ADAM10: variants seen among roughly 807,000 people sequenced by gnomAD.
ADAM10 encodes the protein ADAM metallopeptidase domain 10.
In ADAM10, 17 loss-of-function variants were observed where a neutral mutation model predicts 90.1. The observed-to-expected ratio is 0.19, with a 90% CI of 0.13 to 0.28. The LOEUF (loss-of-function observed/expected upper bound fraction) is 0.28. ADAM10 is among the 10% of genes least tolerant of loss of function. The probability of loss-of-function intolerance (pLI) is 1.00; values close to 1 mark genes in which losing one functional copy is unlikely to be tolerated. For missense variants in ADAM10, 610 were observed against 914.3 expected (o/e 0.67, Z 4.29); for synonymous variants, 310 against 298.6 (o/e 1.04, Z -0.40).
intron 1 of ADAM10, among the ~76,000 whole-genome samples, chr15:58,743,237 T>C (rs1445296932): frequency 3.9e-5 from 6 of 152,174 alleles, no homozygotes; most frequent in Admixed American, 3.9e-4. Flanking sequence ...ACTATGTGTT[T>C]TTCTGTCTGC....
intron 5 of ADAM10, among the ~76,000 whole-genome samples, chr15:58,659,041 G>A (rs1262338080): frequency 7.2e-5 from 11 of 152,108 alleles, no homozygotes; most frequent in African/African-American, 1.4e-4. Flanking sequence ...TTGGGAAGCC[G>A]AAGCAGGCAG....
At chr15:58,696,797 T>A (rs190209464) in intron 2 of ADAM10, among the ~76,000 whole-genome samples, 67 of 152,210 alleles carry the variant, frequency 4.4e-4, no homozygotes, top group African/African-American at 1.6e-3. Flanking sequence ...AATCATCTCA[T>A]ACTGACAAAG....
chr15:58,657,745 C>G (rs1896862580), intron 5 of ADAM10, among the ~76,000 whole-genome samples: 1 of 152,126 alleles, frequency 6.6e-6, no homozygotes, highest in Non-Finnish European at 1.5e-5. Context: ...CCTGGATGGT[C>G]TGGACGCTTG....
chr15:58,604,132 C>T (rs535120351), intron 14 of ADAM10, among the ~76,000 whole-genome samples: 9 of 151,970 alleles, frequency 5.9e-5, no homozygotes, highest in South Asian at 4.1e-4. Flanking sequence ...GAAGCCGGGG[C>T]GGGTGGATCA....
intron 9 of ADAM10, among the ~76,000 whole-genome samples, chr15:58,628,102 T>A (rs1175700763): frequency 6.6e-6 from 1 of 152,226 alleles, no homozygotes; most frequent in Non-Finnish European, 1.5e-5. Context: ...GGTCTAGCCA[T>A]AACAATTTAT....
At chr15:58,690,107 T>C (rs1375118761) in intron 2 of ADAM10, among the ~76,000 whole-genome samples, 2 of 152,150 alleles carry the variant, frequency 1.3e-5, no homozygotes, top group African/African-American at 2.4e-5. Context: ...AAATCATCAA[T>C]GTAATTCACC....
At chr15:58,626,158 A>C (rs1182885562) in intron 10 of ADAM10, among the ~76,000 whole-genome samples, 2 of 152,148 alleles carry the variant, frequency 1.3e-5, no homozygotes, top group African/African-American at 2.4e-5. Context: ...ACAAAAAAAA[A>C]AACTAGGGAA....
chr15:58,615,758 A>G (rs1422257566), intron 11 of ADAM10, among the ~76,000 whole-genome samples: 2 of 152,170 alleles, frequency 1.3e-5, no homozygotes, highest in Non-Finnish European at 2.9e-5. Flanking sequence ...TTGTAATGCC[A>G]GCACTTTGGG....
In ADAM10 at chr15:58,616,972, G is replaced by C. The variant is rs1380786967; in HGVS notation, c.1511+4499C>G. Among the ~76,000 whole-genome samples the C allele has an allele frequency of 2.0e-5, 3 of 152,096 alleles. No individual in the cohort carries two copies. The East Asian group carries it at 5.8e-4, about 29-fold the overall frequency. On this transcript the variant is annotated intron_variant, in intron 11 of 15. Transcript: ENST00000260408. ...AAACACAAAAAAATTAGCCAGGCGT[G>C]GTGGCAGGTACCTGTAGTCCCAGCT...
At chr15:58,669,456 G>C (rs1368222230) in intron 4 of ADAM10, among the ~76,000 whole-genome samples, 1 of 152,140 alleles carries the variant, frequency 6.6e-6, no homozygotes, top group African/African-American at 2.4e-5. Context: ...AAAATTCTAG[G>C]AGATTACACC....
intron 9 of ADAM10, among the ~76,000 whole-genome samples, chr15:58,632,991 G>A (rs1896144459): frequency 6.6e-6 from 1 of 152,122 alleles, no homozygotes; most frequent in Admixed American, 6.5e-5. Flanking sequence ...CAGAATTCTA[G>A]CACTGTTATG....
chr15:58,661,208 A>G lies in ADAM10; in HGVS notation c.585+3889T>C, dbSNP rs1301884245. Among the ~76,000 whole-genome samples, 3 of 152,196 alleles carry G rather than the reference A, an allele frequency of 2.0e-5. No individual in the cohort carries two copies. In the East Asian group the frequency reaches 5.8e-4, roughly 29 times the overall value. On this transcript the variant is annotated intron_variant, in intron 5 of 15. Transcript: ENST00000260408. ...AATCTCTTGAAGGTTTTTTTAAATG[A>G]GAAAAAACTGCTTAATATTTATCTA...
At chr15:58,655,746 T>C (rs1201089475) in intron 5 of ADAM10, among the ~76,000 whole-genome samples, 5 of 81,526 alleles carry the variant, frequency 6.1e-5, no homozygotes, top group African/African-American at 3.0e-4. Flanking sequence ...TATATTCTTT[T>C]TTTTTTTTTT....
chr15:58,598,749 C>T (rs1895026800), intron 15 of ADAM10, among the ~76,000 whole-genome samples: 1 of 152,218 alleles, frequency 6.6e-6, no homozygotes, highest in South Asian at 2.1e-4. Flanking sequence ...GGGAACTAAA[C>T]AATACGAAGG....
chr15:58,717,536 A>G, intron 2 of ADAM10, 41 bp downstream of exon 2: 2 of 1,612,140 alleles, frequency 1.2e-6, no homozygotes, highest in South Asian at 1.1e-5. Flanking sequence ...TAGATTGAAT[A>G]TAGAGGAACT....
At chr15:58,744,704 C>T (rs1481284602) in intron 1 of ADAM10, among the ~76,000 whole-genome samples, 1 of 152,096 alleles carries the variant, frequency 6.6e-6, no homozygotes, top group South Asian at 2.1e-4. Context: ...TTTAGAAAAA[C>T]TTCCATCAAA....
chr15:58,652,000 T>C (rs1232439578), intron 5 of ADAM10, among the ~76,000 whole-genome samples: 2 of 152,222 alleles, frequency 1.3e-5, no homozygotes, highest in African/African-American at 4.8e-5. Context: ...CAAGGATCAA[T>C]GATGTTGAGC....
chr15:58,715,445 C>G (rs905399456), intron 2 of ADAM10, among the ~76,000 whole-genome samples: 3 of 151,776 alleles, frequency 2.0e-5, no homozygotes, highest in Non-Finnish European at 4.4e-5. Context: ...CTAAAATGAC[C>G]TGTATAAATG....
chr15:58,742,066 T>C (rs1899632705), intron 1 of ADAM10, among the ~76,000 whole-genome samples: 1 of 152,222 alleles, frequency 6.6e-6, no homozygotes, highest in Admixed American at 6.5e-5. Context: ...TGGAAGTATA[T>C]TTTTATATTT....
Sources: gnomAD v4.1 joint callset for allele counts (sites outside exome capture counted in the v4.1 genomes callset) on GRCh38, gnomAD v4.1.1 for gene constraint, MANE v1.5 for transcripts, NCBI Gene and HGNC (gene_info 2026-07-23, HGNC 2026-07-21) for gene names.